Variants in HSPG2 observed in about 807,000 individuals in gnomAD.
HSPG2 encodes the protein basement membrane-specific heparan sulfate proteoglycan core protein.
HSPG2 carries 278 observed loss-of-function variants against 526.6 expected under a neutral mutation model. The ratio of observed to expected loss-of-function variants is 0.53; its 90% CI spans 0.48 to 0.58. The LOEUF (loss-of-function observed/expected upper bound fraction) is 0.58, where lower values mean the gene tolerates loss of function less well. Ranked by LOEUF, HSPG2 falls within the 20% of genes least tolerant of loss-of-function variation. The pLI, the probability that HSPG2 is intolerant of heterozygous loss-of-function variation, is 0.00. For missense variants in HSPG2, 5,354 were observed against 6,099.5 expected (o/e 0.88, Z 4.07); for synonymous variants, 2,465 against 2,555.4 (o/e 0.96, Z 1.07).
chr1:21,863,624 G>A (rs1639997325), intron 37 of HSPG2, among the ~76,000 whole-genome samples: 1 of 151,418 alleles, frequency 6.6e-6, no homozygotes, highest in African/African-American at 2.4e-5. Flanking sequence ...GCTCATGTCT[G>A]TAGTCCCAGC....
chr1:21,878,371 T>C, intron 20 of HSPG2, 62 bp downstream of exon 20: 1 of 1,580,054 alleles, frequency 6.3e-7, no homozygotes, highest in Non-Finnish European at 8.6e-7. Flanking sequence ...GGAGGGTGCC[T>C]GGTGTGCAGC....
In HSPG2 at chr1:21,846,121, A is replaced by G. The variant is rs1638411689; in HGVS notation, c.8451T>C (p.Ala2817=). 2 of 1,612,816 alleles carry G rather than the reference A, an allele frequency of 1.2e-6. No homozygotes were observed. Among genetic ancestry groups the G allele is most frequent in the Non-Finnish European group, 1.7e-6 (2 of 1,180,016 alleles). ...AGGGACCCTCACCGGGGACGTGGAC[A>G]GCACTTGAGCCAGAGGCTTCGATGG... ...LVTIEASGSS[A]VHVPAPGGAP... is the part of the protein sequence containing the mutation. Residue 2817 remains alanine (A), a synonymous_variant, in exon 64 of 97, where the codon GCT becomes GCC. Transcript: ENST00000374695.
At chr1:21,908,449 G>A (rs1347688281) in intron 1 of HSPG2, 4 of 854,404 alleles carry the variant, frequency 4.7e-6, no homozygotes, top group Non-Finnish European at 8.0e-6. Flanking sequence ...GAAAAAGAGA[G>A]AAGCCAAAGA....
At chr1:21,889,568 C>T (rs59335091) in intron 6 of HSPG2, among the ~76,000 whole-genome samples, 3 of 150,566 alleles carry the variant, frequency 2.0e-5, no homozygotes, top group Non-Finnish European at 2.9e-5. Flanking sequence ...TCAGTTCCCT[C>T]GTCTCTGAAA....
rs1376247768 is a variant in HSPG2 at position 21,836,887 on chromosome 1, G to A, written c.10270C>T (p.Pro3424Ser). The A allele has an allele frequency of 1.9e-6, 3 of 1,572,482 alleles. No individual in the cohort carries two copies. Among genetic ancestry groups the A allele is most frequent in the Non-Finnish European group, 8.6e-7 (1 of 1,158,740 alleles). ...GASVEFHCAV[P>S]SDRGTQLRWF... ...CGGAGCTGGGTACCCCGGTCGCTGG[G>A]CACAGCACAGTGGAACTCAACGCTG... Residue 3424 changes from proline (P) to serine (S), a missense_variant, in exon 75 of 97, where the codon CCC (proline) becomes TCC (serine). Transcript: ENST00000374695.
chr1:21,870,365 C>G, intron 33 of HSPG2: 1 of 908,362 alleles, frequency 1.1e-6, no homozygotes, highest in African/African-American at 1.8e-5. Context: ...AGTCCTGGAG[C>G]TAGAGCCATG....
chr1:21,855,337 G>C lies in HSPG2; in HGVS notation c.5964C>G (p.Thr1988=). 1.9e-6 allele frequency: 3 copies of C among 1,609,088 alleles called. No homozygotes were observed. The highest frequency in any genetic ancestry group is 2.5e-6 in the Non-Finnish European group (3 of 1,178,468). ...RAAGVPSATI[T]WRKEGGSLPP... is the part of the protein sequence containing the mutation. ...GGAGGCTGCCCCCTTCCTTCCTCCA[G>C]GTGATGGTGGCGCTAGGCACGCCTG... The change falls in exon 47 of 97, where the codon ACC becomes ACG. Residue 1988 remains threonine, a synonymous_variant. Coordinates refer to ENST00000374695, the MANE Select transcript of HSPG2 (RefSeq NM_005529.7).
At chr1:21,831,606 A>G in intron 82 of HSPG2, 44 bp from the exon 83 acceptor site, 2 of 1,613,640 alleles carry the variant, frequency 1.2e-6, no homozygotes, top group Non-Finnish European at 1.7e-6. Flanking sequence ...AGGCTGGGCA[A>G]GGGCGGGATG....
rs1201725836 is a variant in HSPG2, at chr1:21,864,480, CCCCCTCA to C, written c.4627-274_4627-268del. Among the ~76,000 whole-genome samples, 2 of 152,208 alleles carry C rather than the reference CCCCCTCA, an allele frequency of 1.3e-5. No homozygotes were observed. The highest frequency in any genetic ancestry group is 4.8e-5 in the African/African-American group (2 of 41,448). On this transcript the variant is annotated intron_variant, in intron 36 of 96. Transcript: ENST00000374695. This position sits in a 1 kb window ranked among gnomAD's most constrained non-coding sequence, Gnocchi z 4.8. The stretch of plus-strand genomic sequence containing the variant: ...GAATTGGCTCCCTGTCTCTGGTGGG[CCCCCTCA>C]AGGGCATGAACTGGGTTTTAACCCC...
In HSPG2 at chr1:21,872,726, C is replaced by CG; in HGVS notation, c.3922dup (p.Arg1308ProfsTer86). 6.2e-7 allele frequency: 1 copy of CG among 1,609,544 alleles called. No homozygotes were observed. Among genetic ancestry groups the CG allele is most frequent in the East Asian group, 2.2e-5 (1 of 44,680 alleles). On this transcript the variant is annotated frameshift_variant, in exon 32 of 97. Transcript: ENST00000374695. LOFTEE classifies it high-confidence loss of function. This position sits in a 1 kb window ranked among gnomAD's most constrained non-coding sequence, Gnocchi z 5.5. ...GGCACTCAGGTGGAAGTGGTGGGGCCGGCAGTGGCTGCAAGTGAGGCCTTC... is the reference window on the plus strand; with the variant it reads ...GGCACTCAGGTGGAAGTGGTGGGGCCGGGCAGTGGCTGCAAGTGAGGCCTTC...
At chr1:21,844,874 A>T (rs528997501) in intron 64 of HSPG2, among the ~76,000 whole-genome samples, 1 of 152,344 alleles carries the variant, frequency 6.6e-6, no homozygotes, top group Non-Finnish European at 1.5e-5. Context: ...GTGTCCCCTT[A>T]TCATGATTTC....
Position 21,859,803 on chromosome 1 carries a change from C to T in HSPG2, c.5182+32G>A, listed in dbSNP as rs1186251240. ...TGCCTCCCCTCCCACTGGGATGGCT[C>T]TTGGGGCTGAGGAGCCTAGGGCCAT... On this transcript the variant is annotated intron_variant, in intron 41 of 96. Coordinates refer to ENST00000374695, the MANE Select transcript of HSPG2 (RefSeq NM_005529.7). This position sits in a 1 kb window ranked among gnomAD's most constrained non-coding sequence, Gnocchi z 5.3. 3.1e-6 allele frequency: 5 copies of T among 1,608,316 alleles called. No homozygotes were observed. Among genetic ancestry groups the T allele is most frequent in the African/African-American group, 2.7e-5 (2 of 74,906 alleles).
chr1:21,834,719 T>A lies in HSPG2; in HGVS notation c.10680A>T (p.Ala3560=). The A allele has an allele frequency of 6.2e-7, 1 of 1,614,206 alleles. No homozygotes were observed. The highest frequency in any genetic ancestry group is 8.5e-7 in the Non-Finnish European group (1 of 1,180,044). Reference sequence around the variant, plus strand: ...GGACGTGGGATTGTGTGGTGCCAGCTGCGTTGGTGGCAGTGCAGCGATACT... The same window carrying A: ...GGACGTGGGATTGTGTGGTGCCAGCAGCGTTGGTGGCAGTGCAGCGATACT... ...AGQYRCTATN[A]AGTTQSHVLL... Residue 3560 remains alanine (A), a synonymous_variant, in exon 77 of 97, where the codon GCA becomes GCT. Transcript: ENST00000374695.
chr1:21,933,360 C>T (rs1319418007), intron 1 of HSPG2, among the ~76,000 whole-genome samples: 4 of 152,070 alleles, frequency 2.6e-5, no homozygotes, highest in Non-Finnish European at 4.4e-5. Context: ...TTCTGAGCAC[C>T]GCAGGGAGGT....
Position 21,872,514 on chromosome 1 carries a change from G to T in HSPG2, c.4029+106C>A. 1 of 1,432,382 alleles carries T rather than the reference G, an allele frequency of 7.0e-7. No homozygotes were observed. Among genetic ancestry groups the T allele is most frequent in the Non-Finnish European group, 9.6e-7 (1 of 1,040,702 alleles). 88.7% of individuals were successfully genotyped at this position (1,432,382 alleles called of 1,614,324 possible). A position where few individuals can be genotyped will look rare whatever the true frequency, so the allele number is the denominator to read the frequency against. The stretch of plus-strand genomic sequence containing the variant: ...TGCGAGAGAAATAATGGGGGCATGT[G>T]AGGGTACTGAGGCGGGGATGAGGGT... On this transcript the variant is annotated intron_variant, in intron 32 of 96. Coordinates refer to ENST00000374695, the MANE Select transcript of HSPG2 (RefSeq NM_005529.7). This position sits in a 1 kb window ranked among gnomAD's most constrained non-coding sequence, Gnocchi z 5.5.
chr1:21,843,149 G>T, intron 66 of HSPG2, 148 bp downstream of exon 66: 1 of 1,234,708 alleles, frequency 8.1e-7, no homozygotes, highest in South Asian at 1.3e-5. Context: ...TCAGACTTGG[G>T]AACACCTGGG....
At chr1:21,926,674 C>T (rs533715347) in intron 1 of HSPG2, among the ~76,000 whole-genome samples, 49 of 142,446 alleles carry the variant, frequency 3.4e-4, no homozygotes, top group Non-Finnish European at 5.6e-4. Flanking sequence ...GCAAAAGAAT[C>T]GCTATTGAAT....
intron 40 of HSPG2, 56 bp downstream of exon 40, chr1:21,860,121 T>G: frequency 6.2e-7 from 1 of 1,608,928 alleles, no homozygotes; most frequent in South Asian, 1.1e-5. Flanking sequence ...TCCCCCAAAT[T>G]CCCAGGGCTC....
chr1:21,844,987 C>T lies in HSPG2; in HGVS notation c.8465-688G>A, dbSNP rs551691424. On this transcript the variant is annotated intron_variant, in intron 64 of 96. Coordinates refer to ENST00000374695, the MANE Select transcript of HSPG2 (RefSeq NM_005529.7). ...TACACACTGGGCGCGGTGGCTCACG[C>T]CTGTAATCCCAGCACTTTGGGAGGC... Among the ~76,000 whole-genome samples, 10 of 152,332 alleles carry T rather than the reference C, an allele frequency of 6.6e-5. No individual in the cohort carries two copies. In the East Asian group the frequency reaches 1.9e-3, roughly 29 times the overall value.
Sources: gnomAD v4.1 joint callset for allele counts (sites outside exome capture counted in the v4.1 genomes callset) on GRCh38, gnomAD v4.1.1 for gene constraint, Gnocchi (gnomAD v3.1) non-coding constraint, MANE v1.5 for transcripts, NCBI Gene and HGNC (gene_info 2026-07-23, HGNC 2026-07-21) for gene names.